CNGB1: variants seen among roughly 807,000 people sequenced by gnomAD.
The protein encoded by CNGB1 is cyclic nucleotide gated channel subunit beta 1.
Under a neutral mutation model 151.7 loss-of-function variants are expected in CNGB1, and 126 were observed. That is an observed-to-expected ratio of 0.83 (90% CI 0.72 to 0.96). The LOEUF is 0.96. CNGB1 is among the 40% of genes least tolerant of loss of function. The pLI is 0.00. For missense variants in CNGB1, 1,698 were observed against 1,627.0 expected (o/e 1.04, Z -0.75); for synonymous variants, 623 against 635.1 (o/e 0.98, Z 0.29).
rs760369077 is a variant in CNGB1, at chr16:57,957,360, CCCAGGGGAG to C, written c.846_854del (p.Asp282_Gly285delinsGlu). 4.7e-5 allele frequency: 76 copies of C among 1,614,068 alleles called. 1 individual carries two copies. In the East Asian group the frequency reaches 1.4e-3, roughly 30 times the overall value. On this transcript the variant is annotated inframe_deletion, in exon 12 of 33. Transcript: ENST00000251102. Reference sequence around the variant, plus strand: ...ACTTACTGGTCTGCACATCACATATCCCAGGGGAGTCAGGCTCCTGCATGGAGAGAGAAA... The same window carrying C: ...ACTTACTGGTCTGCACATCACATATCTCAGGCTCCTGCATGGAGAGAGAAA...
rs558293548 is a variant in CNGB1 at position 57,911,069 on chromosome 16, C to T, written c.2492+684G>A. Among the ~76,000 whole-genome samples, 228 of 152,228 alleles carry T rather than the reference C, an allele frequency of 1.5e-3. 3 individuals are homozygous for T. Among genetic ancestry groups the T allele is most frequent in the African/African-American group, 5.4e-3 (226 of 41,542 alleles). ...CGCCAGCACCTCCATGGTAGCAGTGCCTGGGGAGCTGTGCTGGGGAGTATT... is the reference window on the plus strand; with the variant it reads ...CGCCAGCACCTCCATGGTAGCAGTGTCTGGGGAGCTGTGCTGGGGAGTATT... On this transcript the variant is annotated intron_variant, in intron 25 of 32. Coordinates refer to ENST00000251102, the MANE Select transcript of CNGB1 (RefSeq NM_001297.5).
chr16:57,929,093 T>G (rs1302363959), intron 17 of CNGB1, among the ~76,000 whole-genome samples: 3 of 152,162 alleles, frequency 2.0e-5, no homozygotes, highest in Non-Finnish European at 4.4e-5. Context: ...GAGAAAATCT[T>G]TGAAAATTAT....
chr16:57,888,165 G>A (rs1239126590), intron 31 of CNGB1, 91 bp from the exon 32 acceptor site: 3 of 1,356,152 alleles, frequency 2.2e-6, no homozygotes, highest in Non-Finnish European at 3.1e-6. Context: ...CTGGAGCTGT[G>A]TAGTGGTGGT....
At chr16:57,913,144 T>A in intron 23 of CNGB1, 150 bp from the exon 24 acceptor site, 1 of 686,762 alleles carries the variant, frequency 1.5e-6, no homozygotes, top group Non-Finnish European at 2.6e-6. Flanking sequence ...CCTCAGCCCC[T>A]TGACGGGTAG....
Position 57,900,790 on chromosome 16 carries a change from T to C in CNGB1, c.2976+562A>G, listed in dbSNP as rs150814878. On this transcript the variant is annotated intron_variant, in intron 29 of 32. Coordinates refer to ENST00000251102, the MANE Select transcript of CNGB1 (RefSeq NM_001297.5). ...CAGATTTTCTGTTTTCAGCCAGAAA[T>C]CTGAATTTTTATACAAAATCTCCAA... Among the ~76,000 whole-genome samples, 5 of 152,156 alleles carry C rather than the reference T, an allele frequency of 3.3e-5. No individual in the cohort carries two copies. The East Asian group carries it at 9.7e-4, about 29-fold the overall frequency.
rs779688908 is a variant in CNGB1 at position 57,897,541 on chromosome 16, A to C, written c.3098T>G (p.Leu1033Trp). The change falls in exon 31 of 33, where the codon TTG (leucine) becomes TGG (tryptophan). Residue 1033 changes from leucine to tryptophan, a missense_variant and splice_region_variant. Physicochemically the swap from Leu to Trp is moderately conservative, Grantham distance 61. Transcript: ENST00000251102. Reference protein sequence around the residue: ...KAGSVFGEISLLAVGGGNRRT... With the variant: ...KAGSVFGEISWLAVGGGNRRT... Reference sequence around the variant, plus strand: ...CCGGTTCCCGCCCCCAACAGCCAGCAAGCTGGGGCAGAGAAGGGAGGAAGG... The same window carrying C: ...CCGGTTCCCGCCCCCAACAGCCAGCCAGCTGGGGCAGAGAAGGGAGGAAGG... 5.6e-6 allele frequency: 9 copies of C among 1,613,922 alleles called. No homozygotes were observed. The Admixed American group carries it at 1.0e-4, about 18-fold the overall frequency.
At chr16:57,914,599 G>A (rs1960811735) in intron 23 of CNGB1, among the ~76,000 whole-genome samples, 1 of 152,188 alleles carries the variant, frequency 6.6e-6, no homozygotes. Context: ...CCATTTGGGG[G>A]ATCCTGAATG....
intron 31 of CNGB1, among the ~76,000 whole-genome samples, chr16:57,891,633 T>C (rs1309276327): frequency 1.3e-5 from 2 of 151,884 alleles, no homozygotes; most frequent in East Asian, 3.9e-4. Context: ...CTTGGCTCAC[T>C]GCAACCTCTG....
intron 31 of CNGB1, among the ~76,000 whole-genome samples, chr16:57,889,682 C>CTTA (rs757630648): frequency 1.2e-4 from 18 of 152,162 alleles, no homozygotes; most frequent in Non-Finnish European, 2.4e-4. Flanking sequence ...ATAAGTAGGT[C>CTTA]TTATTATTCA....
In CNGB1 at chr16:57,940,204, AGAGGTGCCAGTGCCTG is replaced by A; in HGVS notation, c.1209+14_1209+29del. On this transcript the variant is annotated intron_variant, in intron 15 of 32. Coordinates refer to ENST00000251102, the MANE Select transcript of CNGB1 (RefSeq NM_001297.5). Reference sequence around the variant, plus strand: ...TTCCACCAATGCCAAGCCAGGCCTCAGAGGTGCCAGTGCCTGGTGCTTCTCATACCTGATCTGAAGT... The same window carrying A: ...TTCCACCAATGCCAAGCCAGGCCTCAGTGCTTCTCATACCTGATCTGAAGT... 1 of 1,541,850 alleles carries A rather than the reference AGAGGTGCCAGTGCCTG, an allele frequency of 6.5e-7. No homozygotes were observed.
At position 57,911,838 on chromosome 16, in the gene CNGB1, G is replaced by C; in HGVS notation, c.2407C>G (p.His803Asp). ...CAGTAATAAAGACAGGAATTCAAAT[G>C]CAGGCTGTAGAGAAGGTAGGCTGTG... is the stretch of plus-strand genomic sequence containing the variant. ...RTTAYLLYSL[H>D]LNSCLYYWAS... is the part of the protein sequence containing the mutation. The change falls in exon 25 of 33, where the codon CAT (histidine) becomes GAT (aspartate). Residue 803 changes from histidine (H) to aspartate (D), a missense_variant. His to Asp is a moderately conservative substitution (Grantham distance 81). Transcript: ENST00000251102. 6.2e-7 allele frequency: 1 copy of C among 1,614,038 alleles called. No homozygotes were observed. Among genetic ancestry groups the C allele is most frequent in the Non-Finnish European group, 8.5e-7 (1 of 1,179,924 alleles).
In CNGB1 at chr16:57,883,246, G is replaced by A. The variant is rs78514298; in HGVS notation, c.*918C>T. 1 of 141,896 alleles carries A rather than the reference G, an allele frequency of 7.0e-6. No individual in the cohort carries two copies. Among genetic ancestry groups the A allele is most frequent in the East Asian group, 2.0e-4 (1 of 4,942 alleles). The allele number at this position is 141,896 out of a possible 1,614,324, so 8.8% of individuals were successfully genotyped here. A position where few individuals can be genotyped will look rare whatever the true frequency, so the allele number is the denominator to read the frequency against. ...ATGGCAATTCTCAGCTGAACAGCTCGGGCTGCCCTCCTTTCTTTGTTTTTT... is the reference window on the plus strand; with the variant it reads ...ATGGCAATTCTCAGCTGAACAGCTCAGGCTGCCCTCCTTTCTTTGTTTTTT... On this transcript the variant is annotated 3_prime_UTR_variant, in exon 33 of 33. Transcript: ENST00000251102.
At chr16:57,910,499 C>A (rs1284625640) in intron 25 of CNGB1, among the ~76,000 whole-genome samples, 2 of 151,992 alleles carry the variant, frequency 1.3e-5, no homozygotes, top group East Asian at 3.9e-4. Context: ...CTCAGCCTCC[C>A]GAGTAACTGA....
At chr16:57,950,301 C>T (rs1415265043) in intron 13 of CNGB1, 80 bp downstream of exon 13, 1 of 1,557,692 alleles carries the variant, frequency 6.4e-7, no homozygotes, top group Non-Finnish European at 8.8e-7. Flanking sequence ...TGTGCCTTTT[C>T]ATCTTTGAGA....
chr16:57,903,311 G>A (rs2149358186), intron 27 of CNGB1, among the ~76,000 whole-genome samples: 1 of 151,602 alleles, frequency 6.6e-6, no homozygotes, highest in South Asian at 2.1e-4. Context: ...GGCCAACATG[G>A]TGAAACCTCG....
At chr16:57,958,670 G>T (rs1962153818) in intron 10 of CNGB1, among the ~76,000 whole-genome samples, 185 bp from the exon 11 acceptor site, 1 of 152,018 alleles carries the variant, frequency 6.6e-6, no homozygotes, top group African/African-American at 2.4e-5. Flanking sequence ...TCGGTGCTCT[G>T]GCTATTGTTC....
chr16:57,922,146 C>T (rs927562057), intron 18 of CNGB1, among the ~76,000 whole-genome samples: 14 of 152,166 alleles, frequency 9.2e-5, no homozygotes, highest in African/African-American at 3.1e-4. Context: ...TAACTTTCCA[C>T]AGCTCTGTTA....
chr16:57,898,300 C>T (rs1171935044), intron 29 of CNGB1, among the ~76,000 whole-genome samples: 1 of 152,208 alleles, frequency 6.6e-6, no homozygotes, highest in Non-Finnish European at 1.5e-5. Flanking sequence ...ATGATGTCTA[C>T]ACCTGGCACA....
chr16:57,919,360 C>T (rs1325274661), intron 19 of CNGB1, 106 bp from the exon 20 acceptor site: 1 of 1,598,598 alleles, frequency 6.3e-7, no homozygotes, highest in Non-Finnish European at 8.5e-7. Context: ...CTGAGAGGAC[C>T]CTGGCACCAT....
Sources: allele counts gnomAD v4.1 joint callset (sites outside exome capture counted in the v4.1 genomes callset), GRCh38; gene constraint gnomAD v4.1.1; transcripts MANE v1.5; gene names NCBI Gene and HGNC (gene_info 2026-07-23, HGNC 2026-07-21).